GLRA1: variants seen among roughly 807,000 people sequenced by gnomAD.
GLRA1 encodes the protein glycine receptor alpha 1, also known as glycine receptor subunit alpha-1.
GLRA1 carries 37 observed loss-of-function variants against 48.3 expected under a neutral mutation model. The observed-to-expected ratio is 0.77, with a 90% CI of 0.59 to 1.01. GLRA1 has a LOEUF of 1.01. GLRA1 is among the 50% of genes least tolerant of loss of function. GLRA1 has a pLI of 0.00. For synonymous variants in GLRA1, 196 were observed against 210.7 expected, an observed-to-expected ratio of 0.93 and a Z score of 0.60; for missense variants, 427 against 571.0, an observed-to-expected ratio of 0.75 and a Z score of 2.57.
At chr5:151,911,764 C>T (rs1754617238) in intron 1 of GLRA1, among the ~76,000 whole-genome samples, 1 of 152,004 alleles carries the variant, frequency 6.6e-6, no homozygotes, top group African/African-American at 2.4e-5. Flanking sequence ...CGCCACCGCA[C>T]CTGGCTAATT....
At chr5:151,830,185 G>A (rs1370658582) in intron 7 of GLRA1, among the ~76,000 whole-genome samples, 1 of 152,168 alleles carries the variant, frequency 6.6e-6, no homozygotes, top group African/African-American at 2.4e-5. Flanking sequence ...CACAGTTGGA[G>A]CTTCTTCAAT....
chr5:151,840,772 A>G (rs1763695493), intron 7 of GLRA1, among the ~76,000 whole-genome samples: 1 of 151,718 alleles, frequency 6.6e-6, no homozygotes, highest in Non-Finnish European at 1.5e-5. Context: ...TTAAGAAAAA[A>G]AAATTGTTAA....
chr5:151,870,343 G>A lies in GLRA1; in HGVS notation c.253-10335C>T, dbSNP rs545381698. Among the ~76,000 whole-genome samples, 21 of 149,834 alleles carry A rather than the reference G, an allele frequency of 1.4e-4. No homozygotes were observed. The South Asian group carries it at 1.7e-3, about 12-fold the overall frequency. On this transcript the variant is annotated intron_variant, in intron 3 of 8. Transcript: ENST00000274576. Reference sequence around the variant, plus strand: ...AAGAGGAAAGCTGATAGTGTTGGCAGTGCAGGGCACAATGGTGAGACATGC... The same window carrying A: ...AAGAGGAAAGCTGATAGTGTTGGCAATGCAGGGCACAATGGTGAGACATGC...
At chr5:151,907,609 A>G (rs1394001393) in intron 1 of GLRA1, among the ~76,000 whole-genome samples, 2 of 152,236 alleles carry the variant, frequency 1.3e-5, no homozygotes, top group Non-Finnish European at 2.9e-5. Context: ...AGCCCACTAT[A>G]TGCCCAGCAC....
intron 1 of GLRA1, among the ~76,000 whole-genome samples, chr5:151,904,634 C>T (rs181920184): frequency 6.6e-6 from 1 of 152,182 alleles, no homozygotes; most frequent in Non-Finnish European, 1.5e-5. Flanking sequence ...TCAAATCAGG[C>T]TCTGGCTTTT....
chr5:151,836,133 T>G (rs1763572474), intron 7 of GLRA1, among the ~76,000 whole-genome samples: 1 of 152,196 alleles, frequency 6.6e-6, no homozygotes, highest in South Asian at 2.1e-4. Context: ...AAAATCAATG[T>G]GCAAAAATCA....
At chr5:151,853,120 G>C (rs537866873) in intron 6 of GLRA1, among the ~76,000 whole-genome samples, 1 of 152,316 alleles carries the variant, frequency 6.6e-6, no homozygotes, top group African/African-American at 2.4e-5. Context: ...GTTGGTCAAA[G>C]GGTACAGAAT....
intron 7 of GLRA1, among the ~76,000 whole-genome samples, chr5:151,835,999 A>G (rs775520142): frequency 7.9e-5 from 12 of 152,256 alleles, no homozygotes; most frequent in Non-Finnish European, 1.6e-4. Context: ...GTATTTAAAT[A>G]GGAAGAGAGG....
At chr5:151,875,323 C>T (rs1753596122) in intron 3 of GLRA1, among the ~76,000 whole-genome samples, 1 of 152,150 alleles carries the variant, frequency 6.6e-6, no homozygotes. Flanking sequence ...CAGGTGCATG[C>T]CACCATGCCC....
intron 1 of GLRA1, among the ~76,000 whole-genome samples, chr5:151,920,829 T>C (rs1430045787): frequency 1.3e-5 from 2 of 151,946 alleles, no homozygotes; most frequent in Non-Finnish European, 2.9e-5. Flanking sequence ...GGAGTACAGC[T>C]CTCCTTCAAG....
intron 7 of GLRA1, among the ~76,000 whole-genome samples, chr5:151,840,761 T>C (rs891096956): frequency 6.7e-6 from 1 of 149,014 alleles, no homozygotes; most frequent in African/African-American, 2.4e-5. Context: ...CAAACCAGTC[T>C]TTAAGAAAAA....
At chr5:151,860,247 T>A (rs1322615872) in intron 3 of GLRA1, among the ~76,000 whole-genome samples, 1 of 152,216 alleles carries the variant, frequency 6.6e-6, no homozygotes, top group East Asian at 1.9e-4. Context: ...ACTGAGATTA[T>A]GTAAATGTTA....
intron 8 of GLRA1, among the ~76,000 whole-genome samples, chr5:151,828,695 T>G (rs546474454): frequency 6.6e-6 from 1 of 152,226 alleles, no homozygotes; most frequent in Non-Finnish European, 1.5e-5. Flanking sequence ...TGATAATTTC[T>G]GTAGTGTTAC....
At chr5:151,879,915 T>C (rs1446504797) in intron 3 of GLRA1, among the ~76,000 whole-genome samples, 1 of 152,180 alleles carries the variant, frequency 6.6e-6, no homozygotes, top group Non-Finnish European at 1.5e-5. Context: ...TGGGAGATAA[T>C]TGAATCGTTG....
At chr5:151,849,960 G>T in intron 7 of GLRA1, 2 of 1,586,722 alleles carry the variant, frequency 1.3e-6, no homozygotes, top group South Asian at 1.1e-5. Flanking sequence ...GACCCTACAA[G>T]CTGGTGTTCT....
intron 1 of GLRA1, among the ~76,000 whole-genome samples, chr5:151,916,800 C>T (rs1471120447): frequency 1.7e-4 from 26 of 152,178 alleles, no homozygotes; most frequent in Admixed American, 1.7e-3. Context: ...TGCCCCTTCT[C>T]TTTATCTAGT....
intron 7 of GLRA1, among the ~76,000 whole-genome samples, chr5:151,845,294 G>A (rs1002661420): frequency 6.6e-6 from 1 of 152,194 alleles, no homozygotes; most frequent in Admixed American, 6.5e-5. Flanking sequence ...CATAGAACAA[G>A]AGAAAATATG....
At chr5:151,831,526 G>A (rs762903258) in intron 7 of GLRA1, among the ~76,000 whole-genome samples, 1 of 152,186 alleles carries the variant, frequency 6.6e-6, no homozygotes, top group Non-Finnish European at 1.5e-5. Context: ...TGTAAACAAA[G>A]CTGCCAGGAA....
intron 7 of GLRA1, chr5:151,848,765 A>G (rs1341493933): frequency 1.1e-5 from 3 of 285,688 alleles, no homozygotes; most frequent in African/African-American, 2.2e-5. Flanking sequence ...TGAGAATGGG[A>G]GAAGAGCGGA....
Sources: gnomAD v4.1 joint callset for allele counts (sites outside exome capture counted in the v4.1 genomes callset) on GRCh38, gnomAD v4.1.1 for gene constraint, MANE v1.5 for transcripts, NCBI Gene and HGNC (gene_info 2026-07-23, HGNC 2026-07-21) for gene names.